Variants in POU6F2 observed in about 807,000 individuals in gnomAD.
POU6F2 encodes the protein POU domain, class 6, transcription factor 2.
A neutral mutation model predicts 71.3 loss-of-function variants in POU6F2; 31 were observed. That is an observed-to-expected ratio of 0.43 (90% CI 0.33 to 0.59). POU6F2 has a LOEUF of 0.59. Ranked by LOEUF, POU6F2 falls within the 20% of genes least tolerant of loss-of-function variation. The pLI, the probability that POU6F2 is intolerant of heterozygous loss-of-function variation, is 0.04. For synonymous variants in POU6F2, 347 were observed against 355.7 expected, an observed-to-expected ratio of 0.98 and a Z score of 0.27; for missense variants, 783 against 856.8, an observed-to-expected ratio of 0.91 and a Z score of 1.07.
chr7:39,395,615 G>A (rs1393284422), intron 5 of POU6F2, among the ~76,000 whole-genome samples: 1 of 152,230 alleles, frequency 6.6e-6, no homozygotes, highest in African/African-American at 2.4e-5. Context: ...CACAGAGCCT[G>A]CACCCTGGTT....
At chr7:39,306,426 C>G (rs146320821) in intron 4 of POU6F2, among the ~76,000 whole-genome samples, 1 of 152,094 alleles carries the variant, frequency 6.6e-6, no homozygotes, top group East Asian at 1.9e-4. Flanking sequence ...ATGAGGAAAC[C>G]GAGGTTCAGG....
At chr7:39,242,229 G>T (rs1020356500) in intron 4 of POU6F2, among the ~76,000 whole-genome samples, 1 of 152,018 alleles carries the variant, frequency 6.6e-6, no homozygotes, top group African/African-American at 2.4e-5. Flanking sequence ...AAATACTTAG[G>T]AGTGGAATTC....
chr7:39,165,647 T>C (rs1046793681), intron 2 of POU6F2, among the ~76,000 whole-genome samples: 1 of 152,170 alleles, frequency 6.6e-6, no homozygotes, highest in African/African-American at 2.4e-5. Flanking sequence ...TTAAAGAAGT[T>C]CAGTTTATTT....
chr7:39,142,833 T>A (rs1446165842), intron 2 of POU6F2, among the ~76,000 whole-genome samples: 1 of 152,234 alleles, frequency 6.6e-6, no homozygotes, highest in Non-Finnish European at 1.5e-5. Flanking sequence ...GTTTTGTGTG[T>A]AATCTTCCAC....
At chr7:39,093,901 C>T (rs921230592) in intron 2 of POU6F2, among the ~76,000 whole-genome samples, 1 of 152,014 alleles carries the variant, frequency 6.6e-6, no homozygotes, top group Admixed American at 6.6e-5. Context: ...TCCATATTTT[C>T]TTCATGCACA....
At chr7:39,256,907 A>G (rs1325945726) in intron 4 of POU6F2, among the ~76,000 whole-genome samples, 1 of 152,228 alleles carries the variant, frequency 6.6e-6, no homozygotes, top group Non-Finnish European at 1.5e-5. Context: ...ATTAAAACCC[A>G]TTAAAACCCA....
chr7:39,339,340 G>T lies in POU6F2; in HGVS notation c.599-302G>T, dbSNP rs116763292. Among the ~76,000 whole-genome samples, 675 of 152,294 alleles carry T rather than the reference G, an allele frequency of 4.4e-3. 5 individuals are homozygous for T. Among genetic ancestry groups the T allele is most frequent in the African/African-American group, 0.015 (625 of 41,568 alleles). On this transcript the variant is annotated intron_variant, in intron 4 of 9. Transcript: ENST00000518318. ...TGCAGTATGGAAAGGAAGAGAGAGA[G>T]AAAGTAGTTAAAAAACAATCTCCAT...
At chr7:39,371,590 T>C (rs921154081) in intron 5 of POU6F2, among the ~76,000 whole-genome samples, 35 of 152,262 alleles carry the variant, frequency 2.3e-4, no homozygotes, top group African/African-American at 7.7e-4. Flanking sequence ...TGGCTATTGA[T>C]CAAGTCCACT....
chr7:39,344,677 G>A (rs1346187130), intron 5 of POU6F2, among the ~76,000 whole-genome samples: 5 of 151,980 alleles, frequency 3.3e-5, no homozygotes, highest in South Asian at 2.1e-4. Context: ...AGTCTTAATC[G>A]GTTTACCACA....
chr7:39,029,469 A>G (rs944536810), intron 1 of POU6F2, among the ~76,000 whole-genome samples: 1 of 149,252 alleles, frequency 6.7e-6, no homozygotes, highest in Non-Finnish European at 1.5e-5. Context: ...GTCATTTTTC[A>G]TTATCAAAAA....
intron 4 of POU6F2, among the ~76,000 whole-genome samples, chr7:39,253,601 C>G (rs1022552701): frequency 6.6e-6 from 1 of 152,116 alleles, no homozygotes; most frequent in African/African-American, 2.4e-5. Flanking sequence ...TCACTGCTGC[C>G]CATCGCCTAA....
chr7:38,986,836 C>T (rs1381266821), intron 1 of POU6F2, among the ~76,000 whole-genome samples: 2 of 152,148 alleles, frequency 1.3e-5, no homozygotes, highest in Non-Finnish European at 2.9e-5. Context: ...AATCCTTACA[C>T]AACCCAAGTA....
At chr7:38,999,819 T>A (rs1161414022) in intron 1 of POU6F2, among the ~76,000 whole-genome samples, 1 of 152,204 alleles carries the variant, frequency 6.6e-6, no homozygotes, top group Non-Finnish European at 1.5e-5. Context: ...GGGCGTACCA[T>A]TTAATTACAT....
At chr7:39,411,982 A>G (rs1787559149) in intron 6 of POU6F2, among the ~76,000 whole-genome samples, 1 of 152,228 alleles carries the variant, frequency 6.6e-6, no homozygotes, top group South Asian at 2.1e-4. Flanking sequence ...CATGACGTTC[A>G]GATGGAGATG....
chr7:39,463,293 C>T (rs1045345956), intron 9 of POU6F2, among the ~76,000 whole-genome samples: 17 of 152,228 alleles, frequency 1.1e-4, no homozygotes, highest in Non-Finnish European at 2.1e-4. Context: ...CAAAGAATTG[C>T]TGATGGCAGT....
rs1794048424 is a variant in POU6F2 at position 39,207,636 on chromosome 7, C to T, written c.598+16C>T. 6.2e-7 allele frequency: 1 copy of T among 1,606,066 alleles called. No individual in the cohort carries two copies. Among genetic ancestry groups the T allele is most frequent in the Admixed American group, 1.7e-5 (1 of 58,984 alleles). Reference sequence around the variant, plus strand: ...AATCTACAAGGTAATCCATAATGTCCATGCGCCACGTAAGGCTCTACCCGT... The same window carrying T: ...AATCTACAAGGTAATCCATAATGTCTATGCGCCACGTAAGGCTCTACCCGT... On this transcript the variant is annotated intron_variant, in intron 4 of 9. Coordinates refer to ENST00000518318, the MANE Select transcript of POU6F2 (RefSeq NM_001370959.1).
At chr7:39,302,496 C>T (rs1784966901) in intron 4 of POU6F2, among the ~76,000 whole-genome samples, 1 of 152,330 alleles carries the variant, frequency 6.6e-6, no homozygotes, top group Non-Finnish European at 1.5e-5. Context: ...TATATTCTAA[C>T]CTGGCGCTGT....
Position 39,225,966 on chromosome 7 carries a change from AG to A in POU6F2, c.598+18348del, listed in dbSNP as rs375764920. ...TAGAATTAATTCCTTTAAAAAAAAA[AG>A]GTTGTTTTTTTTTAAAAAAAACCAA... On this transcript the variant is annotated intron_variant, in intron 4 of 9. Transcript: ENST00000518318. Among the ~76,000 whole-genome samples, 308 of 151,632 alleles carry A rather than the reference AG, an allele frequency of 2.0e-3. 2 individuals carry two copies. The highest frequency in any genetic ancestry group is 7.2e-3 in the African/African-American group (298 of 41,410).
chr7:39,356,118 G>A (rs992123218), intron 5 of POU6F2, among the ~76,000 whole-genome samples: 1 of 152,198 alleles, frequency 6.6e-6, no homozygotes, highest in Non-Finnish European at 1.5e-5. Flanking sequence ...TTCTACTTCT[G>A]TTTTCTCTCT....
Sources: gnomAD v4.1 joint callset for allele counts (sites outside exome capture counted in the v4.1 genomes callset) on GRCh38, gnomAD v4.1.1 for gene constraint, MANE v1.5 for transcripts, NCBI Gene and HGNC (gene_info 2026-07-23, HGNC 2026-07-21) for gene names.